Variants in CCDC91 observed in about 807,000 individuals in gnomAD.
CCDC91 encodes coiled-coil domain-containing protein 91.
CCDC91 carries 48 observed loss-of-function variants against 63.2 expected under a neutral mutation model. The ratio of observed to expected loss-of-function variants is 0.76; its 90% CI spans 0.60 to 0.97. CCDC91 has a LOEUF of 0.97. Ranked by LOEUF, CCDC91 falls within the 50% of genes least tolerant of loss-of-function variation. CCDC91 has a pLI of 0.00. For missense variants in CCDC91, 500 were observed against 494.6 expected, an observed-to-expected ratio of 1.01 and a Z score of -0.10; for synonymous variants, 167 against 165.8, an observed-to-expected ratio of 1.01 and a Z score of -0.06.
At chr12:28,267,767 A>T (rs1592147972) in intron 3 of CCDC91, among the ~76,000 whole-genome samples, 1 of 60,050 alleles carries the variant, frequency 1.7e-5, no homozygotes, top group African/African-American at 5.9e-5. Context: ...AATTATATAT[A>T]ATTATATTAT....
chr12:28,308,228 C>T (rs1227590436), intron 6 of CCDC91, among the ~76,000 whole-genome samples: 1 of 151,936 alleles, frequency 6.6e-6, no homozygotes, highest in Non-Finnish European at 1.5e-5. Flanking sequence ...CCTTTTTGTA[C>T]TTACTCAATG....
chr12:28,483,042 A>G (rs1260908452), intron 11 of CCDC91, among the ~76,000 whole-genome samples: 3 of 152,004 alleles, frequency 2.0e-5, no homozygotes, highest in Admixed American at 1.3e-4. Context: ...ATCCAAGTAT[A>G]TATATGTGTG....
intron 3 of CCDC91, among the ~76,000 whole-genome samples, chr12:28,270,870 C>A (rs1947723465): frequency 6.6e-6 from 1 of 152,064 alleles, no homozygotes; most frequent in Non-Finnish European, 1.5e-5. Context: ...ATTTCTCCCC[C>A]ATTCAACAAA....
chr12:28,484,178 T>C lies in CCDC91; in HGVS notation c.1215+13T>C. 1 of 1,475,312 alleles carries C rather than the reference T, an allele frequency of 6.8e-7. No individual in the cohort carries two copies. The highest frequency in any genetic ancestry group is 9.3e-7 in the Non-Finnish European group (1 of 1,069,680). The allele number at this position is 1,475,312 out of a possible 1,614,324, so 91.4% of individuals were successfully genotyped here. ...AGAACAGAAAAGGGTAAGTATCTCCTGAAGAGTTTTAATTTGTGCTTCAAT... is the reference window on the plus strand; with the variant it reads ...AGAACAGAAAAGGGTAAGTATCTCCCGAAGAGTTTTAATTTGTGCTTCAAT... On this transcript the variant is annotated intron_variant, in intron 12 of 12. Transcript: ENST00000536442.
intron 8 of CCDC91, among the ~76,000 whole-genome samples, chr12:28,409,606 A>C (rs1947190254): frequency 6.6e-6 from 1 of 151,892 alleles, no homozygotes; most frequent in Non-Finnish European, 1.5e-5. Flanking sequence ...TTCAATTTGC[A>C]TTTATTCTAG....
chr12:28,339,435 C>T (rs1942255193), intron 6 of CCDC91, among the ~76,000 whole-genome samples: 1 of 151,660 alleles, frequency 6.6e-6, no homozygotes, highest in Non-Finnish European at 1.5e-5. Flanking sequence ...AAACATGTGG[C>T]TAGATGTGAT....
In CCDC91 at chr12:28,549,238, T is replaced by G; in HGVS notation, c.*65T>G. On this transcript the variant is annotated 3_prime_UTR_variant, in exon 13 of 13. Transcript: ENST00000536442. The stretch of plus-strand genomic sequence containing the variant: ...TATTACACCTTCAAAATACACACTC[T>G]GAATTATAAAGATGTGTTTGTTTTC... The G allele has an allele frequency of 1.1e-6, 1 of 871,696 alleles. No homozygotes were observed. 54.0% of individuals were successfully genotyped at this position (871,696 alleles called of 1,614,324 possible).
intron 11 of CCDC91, among the ~76,000 whole-genome samples, chr12:28,457,508 C>A (rs1950108548): frequency 6.7e-6 from 1 of 149,356 alleles, no homozygotes; most frequent in Admixed American, 6.8e-5. Context: ...GCAACTTAAG[C>A]CACTTCAATT....
chr12:28,252,921 G>A (rs530004336), intron 1 of CCDC91, among the ~76,000 whole-genome samples: 41 of 152,110 alleles, frequency 2.7e-4, no homozygotes, highest in African/African-American at 9.6e-4. Context: ...TTTAATCCTT[G>A]TACTGACTTT....
chr12:28,495,925 A>AT (rs1342059465), intron 12 of CCDC91, among the ~76,000 whole-genome samples: 4 of 151,508 alleles, frequency 2.6e-5, no homozygotes, highest in African/African-American at 9.7e-5. Flanking sequence ...CAGATTTTAC[A>AT]TTTTTTTAAA....
At chr12:28,284,947 T>C (rs1948824716) in intron 3 of CCDC91, among the ~76,000 whole-genome samples, 1 of 152,218 alleles carries the variant, frequency 6.6e-6, no homozygotes, top group Admixed American at 6.5e-5. Flanking sequence ...TAACTCTCTT[T>C]GTATGAACTC....
At chr12:28,289,324 A>G (rs1299109778) in intron 3 of CCDC91, among the ~76,000 whole-genome samples, 3 of 152,156 alleles carry the variant, frequency 2.0e-5, no homozygotes, top group South Asian at 2.1e-4. Context: ...ATTTAGTGCT[A>G]TAAATTTCCC....
chr12:28,196,461 C>G (rs531477787), intron 1 of CCDC91, among the ~76,000 whole-genome samples: 117 of 152,328 alleles, frequency 7.7e-4, no homozygotes, highest in South Asian at 6.0e-3. Context: ...TCTCTTTGCA[C>G]TGGCTAGGAC....
chr12:28,526,332 GA>G (rs1007803034), intron 12 of CCDC91, among the ~76,000 whole-genome samples: 1 of 152,030 alleles, frequency 6.6e-6, no homozygotes, highest in African/African-American at 2.4e-5. Flanking sequence ...TTGTTTGTCT[GA>G]AAAAGACTGT....
chr12:28,482,041 T>A (rs937643735), intron 11 of CCDC91, among the ~76,000 whole-genome samples: 4 of 152,080 alleles, frequency 2.6e-5, no homozygotes, highest in African/African-American at 9.6e-5. Context: ...AAACTAAGGA[T>A]TTTTGTAACT....
At chr12:28,380,729 A>G (rs1328293886) in intron 7 of CCDC91, among the ~76,000 whole-genome samples, 2 of 152,124 alleles carry the variant, frequency 1.3e-5, no homozygotes, top group Non-Finnish European at 2.9e-5. Context: ...ATACAGTAGC[A>G]TTTGTAAAGG....
intron 1 of CCDC91, among the ~76,000 whole-genome samples, chr12:28,227,114 A>C (rs1465467180): frequency 6.6e-6 from 1 of 152,094 alleles, no homozygotes; most frequent in African/African-American, 2.4e-5. Flanking sequence ...TTAAGCTGTG[A>C]CTTATTGTGA....
chr12:28,408,931 C>T (rs1947140649), intron 8 of CCDC91, among the ~76,000 whole-genome samples: 1 of 152,154 alleles, frequency 6.6e-6, no homozygotes, highest in Non-Finnish European at 1.5e-5. Flanking sequence ...GGGTGAGTCA[C>T]CATGCCTGAC....
At chr12:28,210,079 A>G (rs1175633855) in intron 1 of CCDC91, among the ~76,000 whole-genome samples, 2 of 152,170 alleles carry the variant, frequency 1.3e-5, no homozygotes, top group Non-Finnish European at 2.9e-5. Flanking sequence ...TTACTTTAGG[A>G]CAATAATTTA....
Sources: allele counts gnomAD v4.1 joint callset (sites outside exome capture counted in the v4.1 genomes callset), GRCh38; gene constraint gnomAD v4.1.1; transcripts MANE v1.5; gene names NCBI Gene and HGNC (gene_info 2026-07-23, HGNC 2026-07-21).